TSPAN18: variants seen among roughly 807,000 people sequenced by gnomAD.
The protein encoded by TSPAN18 is tetraspanin 18.
Under a neutral mutation model 27.3 loss-of-function variants are expected in TSPAN18, and 14 were observed. That is an observed-to-expected ratio of 0.51 (90% CI 0.34 to 0.80). TSPAN18 has a LOEUF of 0.80. Among genes scored for constraint, TSPAN18 ranks in the 30% least tolerant of loss-of-function variants. The pLI is 0.01. For missense variants in TSPAN18, 268 were observed against 323.9 expected (o/e 0.83, Z 1.32); for synonymous variants, 143 against 136.5 (o/e 1.05, Z -0.33).
At chr11:44,731,047 C>A (rs1215320978) in intron 1 of TSPAN18, among the ~76,000 whole-genome samples, 4 of 152,172 alleles carry the variant, frequency 2.6e-5, no homozygotes, top group African/African-American at 4.8e-5. Flanking sequence ...CTGGTCTGCA[C>A]CCAAGACTGC....
chr11:44,758,466 G>A (rs1347853484), intron 1 of TSPAN18, among the ~76,000 whole-genome samples: 1 of 152,084 alleles, frequency 6.6e-6, no homozygotes, highest in East Asian at 1.9e-4. Context: ...TTTTGTTGGG[G>A]ATTTTTGCAT....
chr11:44,793,842 G>C (rs1467704794), intron 2 of TSPAN18, among the ~76,000 whole-genome samples: 1 of 152,216 alleles, frequency 6.6e-6, no homozygotes, highest in Non-Finnish European at 1.5e-5. Flanking sequence ...TGGAGAGGAG[G>C]AGGCTGTGTC....
chr11:44,805,571 A>G (rs1856574414), intron 2 of TSPAN18, among the ~76,000 whole-genome samples: 1 of 152,096 alleles, frequency 6.6e-6, no homozygotes, highest in African/African-American at 2.4e-5. Context: ...GTGGGATCTC[A>G]GCTCAGTCAC....
In TSPAN18 at chr11:44,926,794, T is replaced by G. The variant is rs371849652; in HGVS notation, c.699+37T>G. ...CCCCCACTTCTGCCGCTCCCCAGGA[T>G]GAAGCCTCACGTGGAGCCTAGGCAG... On this transcript the variant is annotated intron_variant, in intron 9 of 9. Coordinates refer to ENST00000520358, the MANE Select transcript of TSPAN18 (RefSeq NM_130783.5). 9.2e-5 allele frequency: 147 copies of G among 1,602,020 alleles called. No homozygotes were observed. In the African/African-American group the frequency reaches 1.9e-3, roughly 20 times the overall value.
At chr11:44,897,954 C>T (rs1859123287) in intron 3 of TSPAN18, 1 of 982,004 alleles carries the variant, frequency 1.0e-6, no homozygotes, top group Non-Finnish European at 1.4e-6. Flanking sequence ...CGGTCTTTCC[C>T]TCTCTTTCTG....
intron 1 of TSPAN18, among the ~76,000 whole-genome samples, chr11:44,745,133 C>G (rs1033167972): frequency 6.6e-6 from 1 of 152,180 alleles, no homozygotes; most frequent in Non-Finnish European, 1.5e-5. Context: ...CAATATGGGG[C>G]TGGATTTCAA....
chr11:44,758,313 G>T (rs1044252687), intron 1 of TSPAN18, among the ~76,000 whole-genome samples: 3 of 152,226 alleles, frequency 2.0e-5, no homozygotes, highest in South Asian at 2.1e-4. Context: ...TAATTGTGTG[G>T]GGGTATTTTC....
At chr11:44,861,776 A>G (rs183470076) in intron 3 of TSPAN18, among the ~76,000 whole-genome samples, 1 of 138,264 alleles carries the variant, frequency 7.2e-6, no homozygotes, top group Admixed American at 7.9e-5. Context: ...TGAATCTAGT[A>G]TCTGAAAGCC....
intron 2 of TSPAN18, among the ~76,000 whole-genome samples, chr11:44,818,290 G>A (rs1396184033): frequency 6.6e-6 from 1 of 152,160 alleles, no homozygotes; most frequent in Non-Finnish European, 1.5e-5. Flanking sequence ...CCTGGGCAGG[G>A]GATGCTATTT....
At chr11:44,806,138 G>A (rs1856589523) in intron 2 of TSPAN18, among the ~76,000 whole-genome samples, 1 of 151,116 alleles carries the variant, frequency 6.6e-6, no homozygotes, top group Non-Finnish European at 1.5e-5. Flanking sequence ...GGGTTCAAGT[G>A]ATTCTCATGC....
rs1859639485 is a variant in TSPAN18 at position 44,909,802 on chromosome 11, G to A, written c.161G>A (p.Gly54Asp). The A allele has an allele frequency of 1.2e-6, 2 of 1,613,996 alleles. No homozygotes were observed. The highest frequency in any genetic ancestry group is 1.7e-6 in the Non-Finnish European group (2 of 1,180,004). ...IVAANPLLLT[G>D]AYILLAMGGL... ...GCTGCCAATCCTCTGCTCCTCACGG[G>A]CGCCTACATCCTCCTGGCCATGGGG... Residue 54 changes from glycine (G) to aspartate (D), a missense_variant, in exon 5 of 10, where the codon GGC becomes GAC. By Grantham distance (94) the Gly-to-Asp change is moderately conservative (BLOSUM62 -1). Transcript: ENST00000520358.
chr11:44,728,539 G>T (rs866728653), intron 1 of TSPAN18, among the ~76,000 whole-genome samples: 1 of 152,062 alleles, frequency 6.6e-6, no homozygotes, highest in Non-Finnish European at 1.5e-5. Flanking sequence ...CGGGCGGTGG[G>T]GGATGGGGCC....
chr11:44,799,618 T>C (rs2135064542), intron 2 of TSPAN18, among the ~76,000 whole-genome samples: 1 of 152,278 alleles, frequency 6.6e-6, no homozygotes, highest in Non-Finnish European at 1.5e-5. Flanking sequence ...ATTGGGTGTT[T>C]ATTATGTGTC....
In TSPAN18 at chr11:44,727,091, CCCCGGCCCCGGCCCCGGT is replaced by C. The variant is rs1565122976; in HGVS notation, c.-425_-408del. On this transcript the variant is annotated 5_prime_UTR_variant, in exon 1 of 10. Transcript: ENST00000520358. ...GCCCCAGCCCCGGCCCCGGCCCCGG[CCCCGGCCCCGGCCCCGGT>C]CCCGGCCCCGAGCCCCGAGCGAGCG... 3.1e-4 allele frequency: 2 copies of C among 6,386 alleles called. No individual in the cohort carries two copies. The highest frequency in any genetic ancestry group is 1.5e-3 in the Admixed American group (1 of 666). 0.4% of individuals were successfully genotyped at this position (6,386 alleles called of 1,614,324 possible). A position where few individuals can be genotyped will look rare whatever the true frequency, so the allele number is the denominator to read the frequency against.
intron 1 of TSPAN18, among the ~76,000 whole-genome samples, chr11:44,757,339 G>A (rs1855355835): frequency 1.3e-5 from 2 of 151,918 alleles, no homozygotes; most frequent in Admixed American, 1.3e-4. Context: ...TTATTTATTT[G>A]TTTACACTTG....
chr11:44,755,809 T>C (rs10769077), intron 1 of TSPAN18, among the ~76,000 whole-genome samples: 51,567 of 151,864 alleles, frequency 0.34, 12,302 homozygotes, highest in East Asian at 0.83. Flanking sequence ...AGGACGCTGC[T>C]CCTTCTTGGG....
intron 2 of TSPAN18, among the ~76,000 whole-genome samples, chr11:44,796,979 T>C (rs555359658): frequency 6.6e-6 from 1 of 152,324 alleles, no homozygotes; most frequent in Non-Finnish European, 1.5e-5. Flanking sequence ...AACATTGTCC[T>C]GACTCTGAGT....
intron 2 of TSPAN18, among the ~76,000 whole-genome samples, chr11:44,811,923 C>G (rs1856725837): frequency 6.6e-6 from 1 of 152,172 alleles, no homozygotes; most frequent in South Asian, 2.1e-4. Flanking sequence ...AGGGGGAGAA[C>G]AGAAGGGTCA....
intron 3 of TSPAN18, among the ~76,000 whole-genome samples, chr11:44,873,234 G>A (rs1039342378): frequency 1.3e-4 from 20 of 152,324 alleles, no homozygotes; most frequent in African/African-American, 4.8e-4. Flanking sequence ...AGCACTTCGT[G>A]GCAACCTGGG....
Sources: gnomAD v4.1 joint callset for allele counts (sites outside exome capture counted in the v4.1 genomes callset) on GRCh38, gnomAD v4.1.1 for gene constraint, MANE v1.5 for transcripts, NCBI Gene and HGNC (gene_info 2026-07-23, HGNC 2026-07-21) for gene names.